The following RPS6KC1 variants were observed in gnomAD, a reference collection of about 807,000 sequenced individuals.
RPS6KC1 encodes ribosomal protein S6 kinase C1.
Under a neutral mutation model 103.8 loss-of-function variants are expected in RPS6KC1, and 54 were observed. The observed-to-expected ratio is 0.52, with a 90% CI of 0.42 to 0.65. RPS6KC1 has a LOEUF of 0.65. RPS6KC1 is among the 30% of genes least tolerant of loss of function. The pLI, the probability that RPS6KC1 is intolerant of heterozygous loss-of-function variation, is 0.00. For missense variants in RPS6KC1, 1,151 were observed against 1,253.8 expected, an observed-to-expected ratio of 0.92 and a Z score of 1.24; for synonymous variants, 439 against 438.7, an observed-to-expected ratio of 1.00 and a Z score of -0.01.
At chr1:213,439,642 CA>C in the RPS6KC1 span, among the ~76,000 whole-genome samples, 1 of 152,142 alleles carries the variant, frequency 6.6e-6, no homozygotes, top group Non-Finnish European at 1.5e-5. Context: ...GCAGGCCTCA[CA>C]ATGACTCAGC....
At chr1:213,109,944 T>C (rs2082861115) in intron 4 of RPS6KC1, among the ~76,000 whole-genome samples, 1 of 152,190 alleles carries the variant, frequency 6.6e-6, no homozygotes, top group South Asian at 2.1e-4. Context: ...TTATTATGGC[T>C]AAATAATAGT....
the RPS6KC1 span, among the ~76,000 whole-genome samples, chr1:213,526,449 G>A: frequency 3.9e-5 from 6 of 152,212 alleles, no homozygotes. Context: ...ACCCCAGCTA[G>A]GTTCAGCTGT....
chr1:213,666,936 C>T, the RPS6KC1 span, among the ~76,000 whole-genome samples: 66 of 152,296 alleles, frequency 4.3e-4, no homozygotes, highest in African/African-American at 1.4e-3. Context: ...TTTCCCAGTT[C>T]GTGAGTGATG....
chr1:213,507,935 T>A, the RPS6KC1 span, among the ~76,000 whole-genome samples: 1 of 152,254 alleles, frequency 6.6e-6, no homozygotes, highest in African/African-American at 2.4e-5. Flanking sequence ...TATTTAAGCA[T>A]GTTTATTATT....
At chr1:213,417,529 A>G in the RPS6KC1 span, among the ~76,000 whole-genome samples, 1 of 151,988 alleles carries the variant, frequency 6.6e-6, no homozygotes, top group East Asian at 1.9e-4. Context: ...CAGCCCCCAG[A>G]CCCTGGGGGA....
intron 6 of RPS6KC1, among the ~76,000 whole-genome samples, chr1:213,147,122 A>G (rs1047412255): frequency 1.3e-5 from 2 of 151,944 alleles, no homozygotes; most frequent in Non-Finnish European, 2.9e-5. Context: ...GTTTGTAAAT[A>G]TTTCCTCCCA....
chr1:213,411,904 C>A, the RPS6KC1 span, among the ~76,000 whole-genome samples: 2 of 152,162 alleles, frequency 1.3e-5, no homozygotes, highest in African/African-American at 4.8e-5. Flanking sequence ...AGTGTGGCAG[C>A]CCTCCTCTGC....
At chr1:213,517,554 A>G in the RPS6KC1 span, among the ~76,000 whole-genome samples, 152 of 152,286 alleles carry the variant, frequency 1.0e-3, no homozygotes, top group African/African-American at 3.6e-3. Context: ...TGAGTTTCTT[A>G]ATCCTGAGTT....
At chr1:213,691,734 G>A in the RPS6KC1 span, among the ~76,000 whole-genome samples, 1 of 152,180 alleles carries the variant, frequency 6.6e-6, no homozygotes, top group African/African-American at 2.4e-5. Context: ...TAGTGGAGAT[G>A]TTAATCTGGG....
chr1:213,072,672 A>G (rs185459671), intron 2 of RPS6KC1, among the ~76,000 whole-genome samples: 3 of 152,366 alleles, frequency 2.0e-5, no homozygotes, highest in African/African-American at 7.2e-5. Context: ...GTATACATAC[A>G]TATATATGTA....
the RPS6KC1 span, among the ~76,000 whole-genome samples, chr1:213,693,298 G>T: frequency 5.9e-4 from 90 of 152,228 alleles, 1 homozygote; most frequent in East Asian, 6.6e-3. Flanking sequence ...TCTCAGCTTA[G>T]ACTCACAATA....
the RPS6KC1 span, among the ~76,000 whole-genome samples, chr1:213,311,487 G>C: frequency 2.6e-5 from 4 of 152,088 alleles, no homozygotes; most frequent in Non-Finnish European, 5.9e-5. Flanking sequence ...TGGTCTTTTA[G>C]CTCCTCTGGT....
the RPS6KC1 span, among the ~76,000 whole-genome samples, chr1:213,298,607 T>C: frequency 5.5e-3 from 830 of 152,196 alleles, 10 homozygotes; most frequent in African/African-American, 0.016. Context: ...TTCTTTTCTG[T>C]TTTTTTATCT....
At chr1:213,577,998 G>A in the RPS6KC1 span, among the ~76,000 whole-genome samples, 3 of 152,206 alleles carry the variant, frequency 2.0e-5, no homozygotes, top group African/African-American at 7.2e-5. Flanking sequence ...GGCCTTCACA[G>A]CAGCCCCAAG....
At chr1:213,424,208 T>A in the RPS6KC1 span, among the ~76,000 whole-genome samples, 1 of 152,260 alleles carries the variant, frequency 6.6e-6, no homozygotes, top group Admixed American at 6.5e-5. Flanking sequence ...TGCTGAGAGC[T>A]GCTCCTAAGA....
At chr1:213,105,951 A>C (rs1487813184) in intron 4 of RPS6KC1, among the ~76,000 whole-genome samples, 1 of 152,216 alleles carries the variant, frequency 6.6e-6, no homozygotes, top group African/African-American at 2.4e-5. Context: ...AAAATTAGGG[A>C]TTATGGAAGT....
the RPS6KC1 span, among the ~76,000 whole-genome samples, chr1:213,544,038 A>G: frequency 6.6e-6 from 1 of 152,216 alleles, no homozygotes; most frequent in Non-Finnish European, 1.5e-5. Context: ...CACACACTCA[A>G]AGAGAAGGGC....
the RPS6KC1 span, among the ~76,000 whole-genome samples, chr1:213,571,132 A>C: frequency 1.3e-5 from 2 of 152,190 alleles, no homozygotes; most frequent in South Asian, 4.1e-4. Flanking sequence ...GCCTTTGTAG[A>C]CAAATATTAA....
chr1:213,076,000 T>TATG (rs1174050335), intron 2 of RPS6KC1, among the ~76,000 whole-genome samples: 3 of 152,222 alleles, frequency 2.0e-5, no homozygotes, highest in Non-Finnish European at 4.4e-5. Context: ...CAAGCCGTCT[T>TATG]ATGATGATGT....
Sources: gnomAD v4.1 joint callset for allele counts (sites outside exome capture counted in the v4.1 genomes callset) on GRCh38, gnomAD v4.1.1 for gene constraint, MANE v1.5 for transcripts, NCBI Gene and HGNC (gene_info 2026-07-23, HGNC 2026-07-21) for gene names.